The following PRPF6 variants were observed in gnomAD, a reference collection of about 807,000 sequenced individuals.
PRPF6 encodes the protein pre-mRNA-processing factor 6.
PRPF6 carries 42 observed loss-of-function variants against 118.3 expected under a neutral mutation model. The observed-to-expected ratio is 0.35, with a 90% CI of 0.28 to 0.46. The LOEUF (loss-of-function observed/expected upper bound fraction) is 0.46. Ranked by LOEUF, PRPF6 falls within the 20% of genes least tolerant of loss-of-function variation. PRPF6 has a pLI of 1.00. For synonymous variants in PRPF6, 481 were observed against 485.1 expected, an observed-to-expected ratio of 0.99 and a Z score of 0.11; for missense variants, 662 against 1,255.7, an observed-to-expected ratio of 0.53 and a Z score of 7.15.
rs749798955 is a variant in PRPF6 at position 64,024,740 on chromosome 20, C to G, written c.1908+47C>G. On this transcript the variant is annotated intron_variant, in intron 14 of 20. Transcript: ENST00000266079. ...GGTGAGGGGCCTGTGCACACAGGAG[C>G]TGACCTGGGTGCTGACTGGGGCCTG... The G allele has an allele frequency of 1.3e-6, 2 of 1,597,974 alleles. 1 individual carries two copies. The highest frequency in any genetic ancestry group is 2.2e-5 in the South Asian group (2 of 89,498).
Position 64,029,039 on chromosome 20 carries a change from C to T in PRPF6, c.2432-338C>T, listed in dbSNP as rs1039359936. On this transcript the variant is annotated intron_variant, in intron 18 of 20. Coordinates refer to ENST00000266079, the MANE Select transcript of PRPF6 (RefSeq NM_012469.4). This position sits in a 1 kb window ranked among gnomAD's most constrained non-coding sequence, Gnocchi z 4.8. ...AAAATGAGCTGGGCATGGTGGCGGG[C>T]GCCTGTAATCCCAGCTACTCGGGAG... 6.6e-6 allele frequency among the ~76,000 whole-genome samples: 1 copy of T among 151,990 alleles called. No homozygotes were observed. Among genetic ancestry groups the T allele is most frequent in the African/African-American group, 2.4e-5 (1 of 41,368 alleles).
chr20:64,009,356 G>A lies in PRPF6; in HGVS notation c.1187-844G>A, dbSNP rs566261896. Among the ~76,000 whole-genome samples, 8 of 150,248 alleles carry A rather than the reference G, an allele frequency of 5.3e-5. No individual in the cohort carries two copies. In the South Asian group the frequency reaches 8.4e-4, roughly 16 times the overall value. The stretch of plus-strand genomic sequence containing the variant: ...TTCGTAAATATTTGAAGTGAATTAC[G>A]TAGATCTTAAGTGTGCAGTTTGATG... On this transcript the variant is annotated intron_variant, in intron 9 of 20. Transcript: ENST00000266079.
Position 64,012,998 on chromosome 20 carries a change from C to T in PRPF6, c.1524+1495C>T, listed in dbSNP as rs543245435. ...TTTTGAGAGGGAGTCTTTCTGTCACCCAGGCTAGAGGGCTAGAGTGCAGTG... is the reference window on the plus strand; with the variant it reads ...TTTTGAGAGGGAGTCTTTCTGTCACTCAGGCTAGAGGGCTAGAGTGCAGTG... On this transcript the variant is annotated intron_variant, in intron 11 of 20. Coordinates refer to ENST00000266079, the MANE Select transcript of PRPF6 (RefSeq NM_012469.4). Among the ~76,000 whole-genome samples the T allele has an allele frequency of 2.7e-4, 40 of 150,918 alleles. No homozygotes were observed. The South Asian group carries it at 7.4e-3, about 28-fold the overall frequency.
intron 12 of PRPF6, among the ~76,000 whole-genome samples, chr20:64,022,542 A>G (rs1166429042): frequency 6.6e-6 from 1 of 152,214 alleles, no homozygotes; most frequent in African/African-American, 2.4e-5. Context: ...TCCTGACTTC[A>G]GATGATCCAC....
intron 19 of PRPF6, among the ~76,000 whole-genome samples, chr20:64,030,370 C>T (rs748560315): frequency 2.6e-5 from 4 of 152,218 alleles, no homozygotes; most frequent in African/African-American, 9.7e-5. Flanking sequence ...CCACCTGCCC[C>T]GCCATGGGTC....
intron 4 of PRPF6, among the ~76,000 whole-genome samples, chr20:63,993,805 A>G (rs755874221): frequency 1.3e-5 from 2 of 150,568 alleles, no homozygotes; most frequent in African/African-American, 2.5e-5. Context: ...GCTGGAGTGC[A>G]GTGGCGTGGT....
chr20:64,028,463 G>T lies in PRPF6; in HGVS notation c.2340-15G>T, dbSNP rs751488957. On this transcript the variant is annotated splice_polypyrimidine_tract_variant and intron_variant, in intron 17 of 20. Coordinates refer to ENST00000266079, the MANE Select transcript of PRPF6 (RefSeq NM_012469.4). The surrounding 1 kb of genome is among the most constrained non-coding windows in gnomAD (Gnocchi z 6.5). The stretch of plus-strand genomic sequence containing the variant: ...GGTAGACGGCTGTGGGACCTCCGGG[G>T]GCCTGTCTCCTCAGGTTGGAGTCCG... 33 of 1,613,638 alleles carry T rather than the reference G, an allele frequency of 2.0e-5. No homozygotes were observed. The South Asian group carries it at 3.1e-4, about 15-fold the overall frequency.
intron 11 of PRPF6, among the ~76,000 whole-genome samples, chr20:64,013,516 G>C (rs1375779161): frequency 6.6e-6 from 1 of 151,994 alleles, no homozygotes; most frequent in Admixed American, 6.5e-5. Context: ...GTGCAGTCAT[G>C]GCTCACTGCA....
At chr20:64,032,319 C>T (rs961124186) in intron 20 of PRPF6, among the ~76,000 whole-genome samples, 2 of 152,198 alleles carry the variant, frequency 1.3e-5, no homozygotes, top group East Asian at 1.9e-4. Context: ...AGTATTTTAA[C>T]GAGTTATTTG....
chr20:64,023,677 G>A (rs1024368673), intron 13 of PRPF6, among the ~76,000 whole-genome samples: 1 of 152,226 alleles, frequency 6.6e-6, no homozygotes, highest in African/African-American at 2.4e-5. Flanking sequence ...GTGTTTGGGA[G>A]TGATCTCCTT....
At chr20:64,003,502 G>A (rs2059176755) in intron 9 of PRPF6, among the ~76,000 whole-genome samples, 3 of 152,172 alleles carry the variant, frequency 2.0e-5, no homozygotes, top group East Asian at 1.9e-4. Flanking sequence ...ATGTTCCCCC[G>A]ACCCTGTGCA....
intron 12 of PRPF6, among the ~76,000 whole-genome samples, chr20:64,018,770 A>G (rs2059250419): frequency 6.6e-6 from 1 of 152,142 alleles, no homozygotes; most frequent in South Asian, 2.1e-4. Flanking sequence ...TCACACCTGC[A>G]TAATGATTTT....
intron 1 of PRPF6, 146 bp from the exon 2 acceptor site, chr20:63,982,901 T>G (rs559769189): frequency 1.1e-6 from 1 of 947,316 alleles, no homozygotes; most frequent in African/African-American, 1.6e-5. Flanking sequence ...CAGAAGTGTT[T>G]GAGACTGCAG....
At chr20:63,996,106 A>C (rs548477081) in intron 6 of PRPF6, among the ~76,000 whole-genome samples, 3 of 152,176 alleles carry the variant, frequency 2.0e-5, no homozygotes, top group African/African-American at 7.2e-5. Flanking sequence ...TCTTTCTGAT[A>C]TGCATATCAG....
chr20:64,020,784 A>AT (rs1210847025), intron 12 of PRPF6, among the ~76,000 whole-genome samples: 8 of 115,720 alleles, frequency 6.9e-5, no homozygotes, highest in African/African-American at 2.3e-4. Flanking sequence ...TACTATACCT[A>AT]ATTTTTTTTT....
intron 3 of PRPF6, among the ~76,000 whole-genome samples, chr20:63,985,767 G>A (rs1213537575): frequency 6.6e-6 from 1 of 152,224 alleles, no homozygotes; most frequent in Non-Finnish European, 1.5e-5. Context: ...GTAACAGAAA[G>A]TGTCCTAGCA....
intron 6 of PRPF6, among the ~76,000 whole-genome samples, chr20:63,997,433 G>A (rs1173492957): frequency 3.3e-5 from 5 of 151,238 alleles, no homozygotes; most frequent in Non-Finnish European, 7.4e-5. Context: ...TGGGACTACA[G>A]GTGTGCACCA....
At chr20:64,016,872 C>T (rs761277421) in intron 12 of PRPF6, 27 bp downstream of exon 12, 32 of 1,613,308 alleles carry the variant, frequency 2.0e-5, no homozygotes, top group South Asian at 7.7e-5. Flanking sequence ...GGCCTTTGTC[C>T]GTAATATGGA....
chr20:63,995,517 G>C (rs1225508194), intron 6 of PRPF6, 35 bp downstream of exon 6: 14 of 1,612,944 alleles, frequency 8.7e-6, no homozygotes, highest in Non-Finnish European at 1.1e-5. Flanking sequence ...CTGTGGACAG[G>C]TTTAGACAGT....
Sources: gnomAD v4.1 joint callset for allele counts (sites outside exome capture counted in the v4.1 genomes callset) on GRCh38, gnomAD v4.1.1 for gene constraint, Gnocchi (gnomAD v3.1) non-coding constraint, MANE v1.5 for transcripts, NCBI Gene and HGNC (gene_info 2026-07-23, HGNC 2026-07-21) for gene names.